PHACTR3: variants seen among roughly 807,000 people sequenced by gnomAD.
PHACTR3 encodes the protein phosphatase and actin regulator 3.
A neutral mutation model predicts 66.8 loss-of-function variants in PHACTR3; 16 were observed. That is an observed-to-expected ratio of 0.24 (90% CI 0.16 to 0.36). The LOEUF is 0.36. Ranked by LOEUF, PHACTR3 falls within the 10% of genes least tolerant of loss-of-function variation. PHACTR3 has a pLI of 1.00. For synonymous variants in PHACTR3, 323 were observed against 292.1 expected, an observed-to-expected ratio of 1.11 and a Z score of -1.08; for missense variants, 647 against 719.9, an observed-to-expected ratio of 0.90 and a Z score of 1.16.
intron 4 of PHACTR3, among the ~76,000 whole-genome samples, chr20:59,756,363 C>A (rs1182586603): frequency 6.6e-6 from 1 of 152,194 alleles, no homozygotes; most frequent in African/African-American, 2.4e-5. Context: ...CCCAGGACAG[C>A]CTGCTGGGCT....
intron 7 of PHACTR3, among the ~76,000 whole-genome samples, chr20:59,784,517 A>T (rs6015580): frequency 0.1 from 15,229 of 152,108 alleles, 1,589 homozygotes; most frequent in East Asian, 0.41. Context: ...TCATCAAGGT[A>T]AAGGCTTTCC....
At chr20:59,760,098 G>A (rs956116834) in intron 4 of PHACTR3, among the ~76,000 whole-genome samples, 1 of 152,090 alleles carries the variant, frequency 6.6e-6, no homozygotes, top group Non-Finnish European at 1.5e-5. Flanking sequence ...AAAGCACAAG[G>A]GGCTGTCCTG....
At chr20:59,666,050 G>T (rs553508269) in intron 1 of PHACTR3, among the ~76,000 whole-genome samples, 1 of 152,282 alleles carries the variant, frequency 6.6e-6, no homozygotes, top group South Asian at 2.1e-4. Context: ...TAGTGGTGGA[G>T]GGGGCTGTGA....
At chr20:59,818,475 C>T (rs369923402) in intron 8 of PHACTR3, among the ~76,000 whole-genome samples, 27 of 152,334 alleles carry the variant, frequency 1.8e-4, no homozygotes, top group African/African-American at 3.4e-4. Context: ...ACATGCTTCA[C>T]GCACTTTAAG....
chr20:59,808,866 C>T (rs186323434), intron 8 of PHACTR3, among the ~76,000 whole-genome samples: 4 of 152,294 alleles, frequency 2.6e-5, no homozygotes, highest in East Asian at 3.9e-4. Flanking sequence ...GATCGTTCTC[C>T]GTGGAGGGGC....
At chr20:59,711,781 A>G in intron 1 of PHACTR3, among the ~76,000 whole-genome samples, 1 of 152,196 alleles carries the variant, frequency 6.6e-6, no homozygotes, top group Admixed American at 6.5e-5. Flanking sequence ...ATGTAGAACC[A>G]TCGTAAGTCA....
chr20:59,806,381 G>T (rs117391280), intron 8 of PHACTR3, among the ~76,000 whole-genome samples, 187 bp downstream of exon 8: 3,160 of 152,320 alleles, frequency 0.021, 154 homozygotes, highest in Admixed American at 0.11. Context: ...GGGCTGTCCC[G>T]TGCATGCTCA....
At chr20:59,658,411 A>G (rs1203179856) in intron 1 of PHACTR3, among the ~76,000 whole-genome samples, 1 of 151,440 alleles carries the variant, frequency 6.6e-6, no homozygotes, top group Non-Finnish European at 1.5e-5. Context: ...TTAGTAGATA[A>G]TATATTTTAG....
At chr20:59,602,543 A>G (rs930203848), upstream of PHACTR3, among the ~76,000 whole-genome samples, 1 of 152,160 alleles carries the variant, frequency 6.6e-6, no homozygotes, top group African/African-American at 2.4e-5. Flanking sequence ...TAGGTTTTAA[A>G]TAGGGAAGGC....
At chr20:59,723,262 C>A (rs569125008) in intron 1 of PHACTR3, among the ~76,000 whole-genome samples, 1 of 152,040 alleles carries the variant, frequency 6.6e-6, no homozygotes, top group African/African-American at 2.4e-5. Flanking sequence ...CAAGAGGAAA[C>A]CCCATGTCCA....
Position 59,665,771 on chromosome 20 carries a change from G to T in PHACTR3, c.118+60639G>T. ...TGAAGGGCGAGAGGATTGGGTGCAC[G>T]CTGGGACTCAGAGGCTTACATTCTT... On this transcript the variant is annotated intron_variant, in intron 1 of 12. Coordinates refer to ENST00000371015, the MANE Select transcript of PHACTR3 (RefSeq NM_080672.5). Among the ~76,000 whole-genome samples the T allele has an allele frequency of 2.0e-5, 3 of 152,200 alleles. No homozygotes were observed. In the Middle Eastern group the frequency reaches 0.01, roughly 521 times the overall value.
At chr20:59,624,248 G>A (rs1282891775) in intron 1 of PHACTR3, among the ~76,000 whole-genome samples, 3 of 152,100 alleles carry the variant, frequency 2.0e-5, no homozygotes, top group East Asian at 3.9e-4. Context: ...CAACCCCTCC[G>A]TGGCTGCATC....
intron 5 of PHACTR3, among the ~76,000 whole-genome samples, chr20:59,770,213 C>G (rs916031607): frequency 2.0e-5 from 3 of 152,224 alleles, no homozygotes; most frequent in Non-Finnish European, 4.4e-5. Flanking sequence ...AGGGGATACT[C>G]TGACACTTAT....
At chr20:59,786,767 C>T (rs959124974) in intron 7 of PHACTR3, among the ~76,000 whole-genome samples, 2 of 148,986 alleles carry the variant, frequency 1.3e-5, no homozygotes, top group African/African-American at 5.0e-5. Flanking sequence ...GACAGATGTC[C>T]GTGGAGCTCT....
At chr20:59,630,890 T>C (rs950886186) in intron 1 of PHACTR3, among the ~76,000 whole-genome samples, 19 of 151,940 alleles carry the variant, frequency 1.3e-4, no homozygotes, top group African/African-American at 4.6e-4. Flanking sequence ...TCTAGGGGAT[T>C]CGAGGAGGAA....
At chr20:59,686,770 GTGA>G (rs1234515581) in intron 1 of PHACTR3, among the ~76,000 whole-genome samples, 8 of 141,034 alleles carry the variant, frequency 5.7e-5, no homozygotes, top group Non-Finnish European at 1.1e-4. Context: ...GATGATGATG[GTGA>G]TGATGATGGT....
chr20:59,600,224 C>A (rs924612877), upstream of PHACTR3, among the ~76,000 whole-genome samples: 3 of 152,198 alleles, frequency 2.0e-5, no homozygotes, highest in Non-Finnish European at 4.4e-5. Flanking sequence ...TTCTTCAAAC[C>A]AGGCTCCCTC....
chr20:59,827,151 G>A (rs371753761), intron 8 of PHACTR3, among the ~76,000 whole-genome samples: 6 of 152,166 alleles, frequency 3.9e-5, no homozygotes, highest in Admixed American at 1.3e-4. Context: ...GCATGTTCAC[G>A]GTGGGGTTGG....
chr20:59,789,672 T>A (rs551609389), intron 7 of PHACTR3, among the ~76,000 whole-genome samples: 1 of 152,312 alleles, frequency 6.6e-6, no homozygotes, highest in East Asian at 1.9e-4. Flanking sequence ...AAATGGAAGT[T>A]CTAGAATTAA....
Sources: allele counts gnomAD v4.1 joint callset (sites outside exome capture counted in the v4.1 genomes callset), GRCh38; gene constraint gnomAD v4.1.1; transcripts MANE v1.5; gene names NCBI Gene and HGNC (gene_info 2026-07-23, HGNC 2026-07-21).